CRY1: variants seen among roughly 807,000 people sequenced by gnomAD.
CRY1 encodes the protein cryptochrome circadian regulator 1.
A neutral mutation model predicts 76.0 loss-of-function variants in CRY1; 45 were observed. The observed-to-expected ratio is 0.59, with a 90% CI of 0.47 to 0.76. The LOEUF (loss-of-function observed/expected upper bound fraction) is 0.76. CRY1 is among the 30% of genes least tolerant of loss of function. CRY1 has a pLI of 0.00. For missense variants in CRY1, 587 were observed against 716.4 expected (o/e 0.82, Z 2.06); for synonymous variants, 248 against 244.0 (o/e 1.02, Z -0.15).
intron 1 of CRY1, among the ~76,000 whole-genome samples, chr12:107,063,921 C>T (rs1165068186): frequency 2.0e-5 from 3 of 152,016 alleles, no homozygotes; most frequent in African/African-American, 7.2e-5. Context: ...AATCAGGGCT[C>T]ATTATATTCA....
chr12:107,010,747 A>G (rs557119212), intron 2 of CRY1, among the ~76,000 whole-genome samples: 2 of 152,072 alleles, frequency 1.3e-5, no homozygotes, highest in South Asian at 4.2e-4. Context: ...CCCAGCTTTT[A>G]TCAGAGATCT....
At chr12:107,053,525 T>TC in intron 1 of CRY1, among the ~76,000 whole-genome samples, 1 of 152,012 alleles carries the variant, frequency 6.6e-6, no homozygotes, top group East Asian at 1.9e-4. Context: ...TCCATGTTGG[T>TC]CAGGCTGATC....
intron 1 of CRY1, among the ~76,000 whole-genome samples, chr12:107,039,445 C>G (rs1952772400): frequency 6.6e-6 from 1 of 152,068 alleles, no homozygotes; most frequent in Non-Finnish European, 1.5e-5. Flanking sequence ...AGTAAATTTC[C>G]AAAATATGTA....
intron 2 of CRY1, among the ~76,000 whole-genome samples, chr12:107,011,173 G>C (rs1055916227): frequency 6.6e-6 from 1 of 152,090 alleles, no homozygotes; most frequent in South Asian, 2.1e-4. Flanking sequence ...GTAAAACCCT[G>C]TCTCTACTAA....
intron 1 of CRY1, among the ~76,000 whole-genome samples, chr12:107,030,853 G>A (rs1952666742): frequency 6.6e-6 from 1 of 152,102 alleles, no homozygotes; most frequent in African/African-American, 2.4e-5. Flanking sequence ...GTTGCTTAAG[G>A]TGATAAAGCA....
At chr12:107,030,467 T>C (rs1952662675) in intron 1 of CRY1, among the ~76,000 whole-genome samples, 1 of 152,168 alleles carries the variant, frequency 6.6e-6, no homozygotes, top group Non-Finnish European at 1.5e-5. Context: ...AAAATTAATT[T>C]GACAGCTTTA....
chr12:107,006,464 T>C (rs1031860956), intron 2 of CRY1, among the ~76,000 whole-genome samples: 8 of 152,058 alleles, frequency 5.3e-5, no homozygotes, highest in Admixed American at 2.0e-4. Context: ...TTTATCCAAT[T>C]TTTTCCTAGA....
intron 1 of CRY1, among the ~76,000 whole-genome samples, chr12:107,041,205 A>C (rs2136866569): frequency 6.6e-6 from 1 of 152,090 alleles, no homozygotes; most frequent in African/African-American, 2.4e-5. Context: ...TACTCAGGAT[A>C]CAAAAAAAAA....
chr12:107,019,933 A>G (rs1045688490), intron 2 of CRY1, among the ~76,000 whole-genome samples: 1 of 151,786 alleles, frequency 6.6e-6, no homozygotes, highest in Non-Finnish European at 1.5e-5. Context: ...GCACCAAACA[A>G]AAAAAAAGGC....
chr12:107,010,134 T>TTTCA (rs1952426800), intron 2 of CRY1, among the ~76,000 whole-genome samples: 3 of 151,208 alleles, frequency 2.0e-5, no homozygotes, highest in Non-Finnish European at 3.0e-5. Flanking sequence ...TCAAGAAATT[T>TTTCA]TTTCATCTCA....
chr12:107,024,429 C>A (rs1952586693), intron 1 of CRY1, among the ~76,000 whole-genome samples: 3 of 149,302 alleles, frequency 2.0e-5, no homozygotes, highest in African/African-American at 5.0e-5. Flanking sequence ...TTTTTGGAGA[C>A]AGGATTGTGC....
chr12:107,092,674 C>T, intron 1 of CRY1, 130 bp downstream of exon 1: 1 of 1,361,150 alleles, frequency 7.3e-7, no homozygotes, highest in East Asian at 2.5e-5. Context: ...CTTAGGGCAC[C>T]TAAAATTCGT....
Position 107,001,866 on chromosome 12 carries a change from T to C in CRY1, c.493A>G (p.Ile165Val), listed in dbSNP as rs772873490. The C allele has an allele frequency of 6.3e-7, 1 of 1,598,630 alleles. No individual in the cohort carries two copies. The highest frequency in any genetic ancestry group is 1.8e-5 in the Admixed American group (1 of 54,664). ...TCTGAAGTAATTGTCTCTACTGGTATCTCTAGTGGTTCCATTTTGCTGATG... is the reference window on the plus strand; with the variant it reads ...TCTGAAGTAATTGTCTCTACTGGTACCTCTAGTGGTTCCATTTTGCTGATG... Reference protein sequence around the residue: ...TLISKMEPLEIPVETITSEVI... With the variant: ...TLISKMEPLEVPVETITSEVI... Residue 165 changes from isoleucine to valine, a missense_variant, in exon 4 of 13, where the codon ATA (isoleucine) becomes GTA (valine). Physicochemically the swap from Ile to Val is conservative, Grantham distance 29. Coordinates refer to ENST00000008527, the MANE Select transcript of CRY1 (RefSeq NM_004075.5).
chr12:107,069,203 G>A (rs574300895), intron 1 of CRY1, among the ~76,000 whole-genome samples: 5 of 149,644 alleles, frequency 3.3e-5, no homozygotes, highest in South Asian at 2.1e-4. Flanking sequence ...CCACACCCTC[G>A]CCAACAATTA....
chr12:107,082,270 C>T (rs1464414243), intron 1 of CRY1, among the ~76,000 whole-genome samples: 1 of 152,070 alleles, frequency 6.6e-6, no homozygotes, highest in Non-Finnish European at 1.5e-5. Context: ...TAACACCCCA[C>T]TGTCAATATT....
At chr12:107,087,402 G>T (rs554963005) in intron 1 of CRY1, among the ~76,000 whole-genome samples, 1 of 152,386 alleles carries the variant, frequency 6.6e-6, no homozygotes, top group South Asian at 2.1e-4. Context: ...AAGCCATAGA[G>T]ATGGGGCTGC....
chr12:107,078,516 C>T (rs10778527), intron 1 of CRY1, among the ~76,000 whole-genome samples: 83,351 of 151,852 alleles, frequency 0.55, 23,232 homozygotes, highest in East Asian at 0.73. Flanking sequence ...ACATAGTATT[C>T]GCTGAGTTTT....
intron 1 of CRY1, among the ~76,000 whole-genome samples, chr12:107,026,241 T>C (rs1338443779): frequency 6.9e-6 from 1 of 144,128 alleles, no homozygotes; most frequent in African/African-American, 2.7e-5. Context: ...TCCCCATCTC[T>C]CTCTTTCTGA....
Position 107,011,085 on chromosome 12 carries a change from G to A in CRY1, c.268-5837C>T, listed in dbSNP as rs144453928. ...GGCCAGGCTGGGCGCAGTGGCTCACGCATGTAATCCCAGCACTTTGGGAGG... is the reference window on the plus strand; with the variant it reads ...GGCCAGGCTGGGCGCAGTGGCTCACACATGTAATCCCAGCACTTTGGGAGG... On this transcript the variant is annotated intron_variant, in intron 2 of 12. Coordinates refer to ENST00000008527, the MANE Select transcript of CRY1 (RefSeq NM_004075.5). Among the ~76,000 whole-genome samples, 1,045 of 152,278 alleles carry A rather than the reference G, an allele frequency of 6.9e-3. 18 individuals carry two copies. Among genetic ancestry groups the A allele is most frequent in the African/African-American group, 0.024 (1,002 of 41,562 alleles).
Sources: allele counts gnomAD v4.1 joint callset (sites outside exome capture counted in the v4.1 genomes callset), GRCh38; gene constraint gnomAD v4.1.1; transcripts MANE v1.5; gene names NCBI Gene and HGNC (gene_info 2026-07-23, HGNC 2026-07-21).